Variants in UBE2Q1 observed in about 807,000 individuals in gnomAD.
UBE2Q1 encodes the protein ubiquitin conjugating enzyme E2 Q1, also known as ubiquitin-conjugating enzyme E2 Q1.
UBE2Q1 carries 6 observed loss-of-function variants against 60.1 expected under a neutral mutation model. The observed-to-expected ratio is 0.10, with a 90% CI of 0.05 to 0.20. The LOEUF (loss-of-function observed/expected upper bound fraction) is 0.20, where lower values mean the gene tolerates loss of function less well. Ranked by LOEUF, UBE2Q1 falls within the 10% of genes least tolerant of loss-of-function variation. The pLI, the probability that UBE2Q1 is intolerant of heterozygous loss-of-function variation, is 1.00. For missense variants in UBE2Q1, 262 were observed against 525.8 expected, an observed-to-expected ratio of 0.50 and a Z score of 4.91; for synonymous variants, 226 against 208.3, an observed-to-expected ratio of 1.09 and a Z score of -0.73.
Position 154,555,180 on chromosome 1 carries a change from C to T in UBE2Q1, c.537+248G>A, listed in dbSNP as rs568485909. ...GCTAAGATAATGGTAAAAATTCCCC[C>T]GCTCCCTTTCAACATCTGGGATGCT... On this transcript the variant is annotated intron_variant, in intron 3 of 12. Coordinates refer to ENST00000292211, the MANE Select transcript of UBE2Q1 (RefSeq NM_017582.7). 5.9e-5 allele frequency among the ~76,000 whole-genome samples: 9 copies of T among 152,250 alleles called. No homozygotes were observed. In the South Asian group the frequency reaches 1.2e-3, roughly 21 times the overall value.
In UBE2Q1 at chr1:154,550,233, C is replaced by G; in HGVS notation, c.*205G>C. 1 of 664,002 alleles carries G rather than the reference C, an allele frequency of 1.5e-6. No individual in the cohort carries two copies. The highest frequency in any genetic ancestry group is 2.5e-6 in the Non-Finnish European group (1 of 398,664). 41.1% of individuals were successfully genotyped at this position (664,002 alleles called of 1,614,324 possible). On this transcript the variant is annotated 3_prime_UTR_variant, in exon 13 of 13. Transcript: ENST00000292211. ...CAAGGTGGTTGGTTGGTCTGTAAGTCAGTCTTGAGTACTTGAAACAGTTCT... is the reference window on the plus strand; with the variant it reads ...CAAGGTGGTTGGTTGGTCTGTAAGTGAGTCTTGAGTACTTGAAACAGTTCT...
chr1:154,555,795 C>T, intron 2 of UBE2Q1, 65 bp downstream of exon 2: 1 of 1,446,222 alleles, frequency 6.9e-7, no homozygotes, highest in Admixed American at 1.7e-5. Context: ...ATCCCTTTCA[C>T]AGGATGCCTT....
At chr1:154,550,916 T>C (rs371813624) in intron 12 of UBE2Q1, 22 bp downstream of exon 12, 134 of 1,614,096 alleles carry the variant, frequency 8.3e-5, no homozygotes, top group Non-Finnish European at 1.1e-4. Flanking sequence ...CCGAATCTCC[T>C]GAGTCCTGGC....
intron 1 of UBE2Q1, among the ~76,000 whole-genome samples, chr1:154,556,883 A>C (rs1484302488): frequency 6.6e-6 from 1 of 152,216 alleles, no homozygotes; most frequent in Admixed American, 6.5e-5. Flanking sequence ...AATTAACTCG[A>C]GGTTCCCACA....
chr1:154,557,267 A>C (rs553610847), intron 1 of UBE2Q1, among the ~76,000 whole-genome samples: 1 of 152,350 alleles, frequency 6.6e-6, no homozygotes, highest in East Asian at 1.9e-4. Context: ...TGGATAAAGT[A>C]CTGTCTGCTA....
At chr1:154,550,645 G>A in intron 12 of UBE2Q1, 176 bp from the exon 13 acceptor site, 1 of 985,322 alleles carries the variant, frequency 1.0e-6, no homozygotes, top group Non-Finnish European at 1.2e-6. Flanking sequence ...ATGAGAAGGG[G>A]GAATGATGTG....
chr1:154,551,594 T>TGC, intron 10 of UBE2Q1, 102 bp from the exon 11 acceptor site: 1 of 1,453,786 alleles, frequency 6.9e-7, no homozygotes, highest in South Asian at 1.2e-5. Flanking sequence ...GGAGGGCCCT[T>TGC]GCCCTTTGCC....
At position 154,552,479 on chromosome 1, in the gene UBE2Q1, A is replaced by G; in HGVS notation, c.815-15T>C. ...TGCATAGTTTCCTGGAAGGAGGGAAAAAACAGGTGTTAGTAGAATGGTCCA... is the reference window on the plus strand; with the variant it reads ...TGCATAGTTTCCTGGAAGGAGGGAAGAAACAGGTGTTAGTAGAATGGTCCA... On this transcript the variant is annotated splice_polypyrimidine_tract_variant and intron_variant, in intron 6 of 12. Transcript: ENST00000292211. 3.7e-6 allele frequency: 6 copies of G among 1,614,200 alleles called. No individual in the cohort carries two copies. Among genetic ancestry groups the G allele is most frequent in the Non-Finnish European group, 5.1e-6 (6 of 1,180,026 alleles).
At chr1:154,550,715 G>GT (rs768041582) in intron 12 of UBE2Q1, 4 of 985,374 alleles carry the variant, frequency 4.1e-6, no homozygotes, top group Non-Finnish European at 4.8e-6. Context: ...CAAGAAGGGG[G>GT]TAGCACCAAG....
chr1:154,557,865 G>A (rs1269361650), intron 1 of UBE2Q1, among the ~76,000 whole-genome samples: 1 of 152,064 alleles, frequency 6.6e-6, no homozygotes, highest in Non-Finnish European at 1.5e-5. Context: ...CAGTGCCGAG[G>A]CCTAAAACCT....
At chr1:154,552,886 G>A (rs901200490) in intron 5 of UBE2Q1, 66 bp from the exon 6 acceptor site, 2 of 1,597,704 alleles carry the variant, frequency 1.3e-6, no homozygotes, top group African/African-American at 2.7e-5. Flanking sequence ...TTAGACCTTA[G>A]GGGCAGTCTG....
In UBE2Q1 at chr1:154,550,453, T is replaced by C; in HGVS notation, c.1254A>G (p.Pro418=). Residue 418 remains proline, a synonymous_variant, in exon 13 of 13, where the codon CCA becomes CCG. Coordinates refer to ENST00000292211, the MANE Select transcript of UBE2Q1 (RefSeq NM_017582.7). The stretch of plus-strand genomic sequence containing the variant: ...TACTCCAGGGTTAGCCGTCTTCTTT[T>C]GGGGGTGTGTACCAGCCTGCAAAGA... ...IHEKNGWYTP[P]KEDG 1.2e-6 allele frequency: 2 copies of C among 1,613,930 alleles called. No homozygotes were observed. Among genetic ancestry groups the C allele is most frequent in the Non-Finnish European group, 1.7e-6 (2 of 1,179,974 alleles).
chr1:154,552,261 C>T, intron 7 of UBE2Q1, 78 bp from the exon 8 acceptor site: 1 of 1,598,560 alleles, frequency 6.3e-7, no homozygotes, highest in Non-Finnish European at 8.6e-7. Flanking sequence ...CCCTGGCTGG[C>T]AGCAGACCAC....
intron 1 of UBE2Q1, 119 bp from the exon 2 acceptor site, chr1:154,556,083 C>A: frequency 2.6e-6 from 2 of 763,832 alleles, no homozygotes; most frequent in East Asian, 2.7e-5. Context: ...CCACCCCCTA[C>A]ACACACATAA....
At position 154,554,719 on chromosome 1, in the gene UBE2Q1, C is replaced by T. The variant is rs1557845643; in HGVS notation, c.588+16G>A. ...CAAGAGCTTCCAGCCAATGCCACCTCAGGGGGCAAGCCTACCTCAGGCATC... is the reference window on the plus strand; with the variant it reads ...CAAGAGCTTCCAGCCAATGCCACCTTAGGGGGCAAGCCTACCTCAGGCATC... On this transcript the variant is annotated intron_variant, in intron 4 of 12. Transcript: ENST00000292211. 1 of 1,612,996 alleles carries T rather than the reference C, an allele frequency of 6.2e-7. No homozygotes were observed. Among genetic ancestry groups the T allele is most frequent in the Admixed American group, 1.7e-5 (1 of 59,986 alleles).
chr1:154,555,684 C>G (rs1695871678), intron 2 of UBE2Q1, 152 bp from the exon 3 acceptor site: 1 of 925,926 alleles, frequency 1.1e-6, no homozygotes, highest in African/African-American at 1.6e-5. Context: ...CCTGATGGAC[C>G]AATCCCAGGG....
intron 4 of UBE2Q1, 105 bp from the exon 5 acceptor site, chr1:154,553,277 TAAAGTG>T (rs1695824264): frequency 7.0e-7 from 1 of 1,435,336 alleles, no homozygotes; most frequent in African/African-American, 1.4e-5. Flanking sequence ...AGCCAAAAGT[TAAAGTG>T]AAGCAGTCCA....
intron 2 of UBE2Q1, 43 bp from the exon 3 acceptor site, chr1:154,555,575 C>T: frequency 6.4e-7 from 1 of 1,573,464 alleles, no homozygotes; most frequent in South Asian, 1.1e-5. Flanking sequence ...CTTCCCCACT[C>T]CGATCTGGAT....
intron 1 of UBE2Q1, among the ~76,000 whole-genome samples, chr1:154,556,867 G>A (rs1048431337): frequency 3.3e-5 from 5 of 152,162 alleles, no homozygotes; most frequent in African/African-American, 1.2e-4. Context: ...CTTAATTCAG[G>A]AACAAAATTA....
Sources: allele counts gnomAD v4.1 joint callset (sites outside exome capture counted in the v4.1 genomes callset), GRCh38; gene constraint gnomAD v4.1.1; transcripts MANE v1.5; gene names NCBI Gene and HGNC (gene_info 2026-07-23, HGNC 2026-07-21).